ZNF165: variants seen among roughly 807,000 people sequenced by gnomAD.
The protein encoded by ZNF165 is cancer/testis antigen 53.
A neutral mutation model predicts 19.6 loss-of-function variants in ZNF165; 14 were observed. That is an observed-to-expected ratio of 0.71 (90% CI 0.47 to 1.12). The LOEUF is 1.12. Ranked by LOEUF, ZNF165 falls within the 50% of genes most tolerant of loss-of-function variation. The pLI is 0.00. For synonymous variants in ZNF165, 165 were observed against 195.0 expected (o/e 0.85, Z 1.28); for missense variants, 504 against 566.3 (o/e 0.89, Z 1.12).
chr6:28,088,510 A>G, intron 3 of ZNF165, 53 bp from the exon 4 acceptor site: 5 of 1,489,524 alleles, frequency 3.4e-6, no homozygotes, highest in Non-Finnish European at 4.5e-6. Context: ...ATGCTATAAA[A>G]TTTTCTTTTC....
chr6:28,085,420 G>A, intron 1 of ZNF165, 61 bp from the exon 2 acceptor site: 1 of 1,523,740 alleles, frequency 6.6e-7, no homozygotes, highest in Non-Finnish European at 8.9e-7. Context: ...CCCTCAGGAG[G>A]ACTCTTGAAA....
Position 28,083,371 on chromosome 6 carries a change from TCCA to T in ZNF165, c.1-2106_1-2104del, listed in dbSNP as rs566021748. ...CCCCTAGTTTCAGTAAACAACCTTT[TCCA>T]CCAGTTCCAATCAGTAGTTCACATC... On this transcript the variant is annotated intron_variant, in intron 1 of 3. Transcript: ENST00000683778. 2.0e-3 allele frequency among the ~76,000 whole-genome samples: 310 copies of T among 152,270 alleles called. 7 individuals are homozygous for T. Among genetic ancestry groups the T allele is most frequent in the Non-Finnish European group, 4.6e-4 (31 of 68,022 alleles).
chr6:28,082,775 A>C (rs1764186463), intron 1 of ZNF165, among the ~76,000 whole-genome samples: 1 of 152,226 alleles, frequency 6.6e-6, no homozygotes. Flanking sequence ...ACTTGTCAAA[A>C]TCTGTCTTCC....
rs751262378 is a variant in ZNF165, at chr6:28,085,829, G to C, written c.349G>C (p.Gly117Arg). 1 of 1,613,734 alleles carries C rather than the reference G, an allele frequency of 6.2e-7. No homozygotes were observed. The highest frequency in any genetic ancestry group is 1.7e-5 in the Admixed American group (1 of 60,014). Reference sequence around the variant, plus strand: ...GGTACATGAACATTACCCAGAGAGTGGAGAGGAGGCAGTGACCATACTAGA... The same window carrying C: ...GGTACATGAACATTACCCAGAGAGTCGAGAGGAGGCAGTGACCATACTAGA... ...AWVHEHYPES[G>R]EEAVTILEDL... is the part of the protein sequence containing the mutation. The change falls in exon 2 of 4, where the codon GGA becomes CGA. Residue 117 changes from glycine (G) to arginine (R), a missense_variant. Gly to Arg is a moderately radical substitution (Grantham distance 125, BLOSUM62 -2). Transcript: ENST00000683778.
At chr6:28,085,425 T>C (rs1764251654) in intron 1 of ZNF165, 56 bp from the exon 2 acceptor site, 1 of 1,556,242 alleles carries the variant, frequency 6.4e-7, no homozygotes, top group East Asian at 2.2e-5. Context: ...AGGAGGACTC[T>C]TGAAACTAAA....
At chr6:28,082,602 T>G (rs1192978714) in intron 1 of ZNF165, among the ~76,000 whole-genome samples, 1 of 152,274 alleles carries the variant, frequency 6.6e-6, no homozygotes, top group Non-Finnish European at 1.5e-5. Context: ...TATTGTTTTC[T>G]GCCCTGGGTG....
chr6:28,084,996 T>G (rs1408225179), intron 1 of ZNF165, among the ~76,000 whole-genome samples: 1 of 152,238 alleles, frequency 6.6e-6, no homozygotes, highest in African/African-American at 2.4e-5. Flanking sequence ...ATTTCCTATT[T>G]CTTTCCCTCC....
chr6:28,088,511 T>G lies in ZNF165; in HGVS notation c.551-52T>G. 3 of 1,494,590 alleles carry G rather than the reference T, an allele frequency of 2.0e-6. No individual in the cohort carries two copies. In the South Asian group the frequency reaches 4.1e-5, roughly 20 times the overall value. The allele number at this position is 1,494,590 out of a possible 1,614,324, so 92.6% of individuals were successfully genotyped here. On this transcript the variant is annotated intron_variant, in intron 3 of 3. Coordinates refer to ENST00000683778, the MANE Select transcript of ZNF165 (RefSeq NM_001376491.1). ...TAACTATCTTGAGCATGCTATAAAA[T>G]TTTCTTTTCGTGCAGCAAACAGGTA...
Position 28,088,709 on chromosome 6 carries a change from G to A in ZNF165, c.697G>A (p.Val233Ile). Residue 233 changes from valine to isoleucine, a missense_variant, in exon 4 of 4, where the codon GTA (valine) becomes ATA (isoleucine). Transcript: ENST00000683778. ...AGACATCTGTAAGTCTGCAGGCAGG[G>A]TAAAGAGACAATGGGAAAAAGAATC... ...SQDICKSAGR[V>I]KRQWEKESGE... 1 of 1,614,150 alleles carries A rather than the reference G, an allele frequency of 6.2e-7. No homozygotes were observed. The highest frequency in any genetic ancestry group is 8.5e-7 in the Non-Finnish European group (1 of 1,180,022).
chr6:28,085,149 CT>C (rs1252109372), intron 1 of ZNF165, among the ~76,000 whole-genome samples: 1 of 152,070 alleles, frequency 6.6e-6, no homozygotes, highest in Admixed American at 6.5e-5. Flanking sequence ...CTTATTTTCT[CT>C]GTGACTTTTA....
chr6:28,082,320 C>T (rs959486856), intron 1 of ZNF165, among the ~76,000 whole-genome samples: 1 of 151,476 alleles, frequency 6.6e-6, no homozygotes, highest in Non-Finnish European at 1.5e-5. Flanking sequence ...AAGACAAGCT[C>T]GGTCATGGAG....
upstream of ZNF165, among the ~76,000 whole-genome samples, chr6:28,080,376 TTTC>T (rs890949264): frequency 9.9e-5 from 15 of 152,002 alleles, no homozygotes; most frequent in South Asian, 2.1e-4. Context: ...TGTGTATCTT[TTTC>T]TTCTTCTTCT....
intron 2 of ZNF165, 106 bp downstream of exon 2, chr6:28,085,997 T>C: frequency 6.6e-7 from 1 of 1,504,966 alleles, no homozygotes; most frequent in Non-Finnish European, 8.9e-7. Flanking sequence ...GTTGGTTCAG[T>C]GTGCATTTAT....
At chr6:28,086,354 G>A in intron 3 of ZNF165, 44 bp downstream of exon 3, 1 of 1,571,602 alleles carries the variant, frequency 6.4e-7, no homozygotes, top group Non-Finnish European at 8.6e-7. Context: ...TAAAGAAACA[G>A]GGGAATGAAT....
chr6:28,089,124 G>T lies in ZNF165; in HGVS notation c.1112G>T (p.Cys371Phe), dbSNP rs369884055. 1.2e-6 allele frequency: 2 copies of T among 1,614,010 alleles called. No individual in the cohort carries two copies. The highest frequency in any genetic ancestry group is 1.7e-6 in the Non-Finnish European group (2 of 1,179,988). ...CAGAGAATCCACACTGGAGAGAGAT[G>T]CTATGAATGTAATGAATGTGGGAAA... is the stretch of plus-strand genomic sequence containing the variant. Reference protein sequence around the residue: ...RHQRIHTGERCYECNECGKSF... With the variant: ...RHQRIHTGERFYECNECGKSF... The change falls in exon 4 of 4, where the codon TGC (cysteine) becomes TTC (phenylalanine). Residue 371 changes from cysteine (C) to phenylalanine (F), a missense_variant. Transcript: ENST00000683778.
Position 28,085,819 on chromosome 6 carries a change from C to G in ZNF165, c.339C>G (p.Tyr113Ter). ...GDLQAWVHEH[Y>*]PESGEEAVTI... ...TGCAGGCCTGGGTACATGAACATTA[C>G]CCAGAGAGTGGAGAGGAGGCAGTGA... Residue 113 changes from tyrosine to a stop codon, truncating the protein, a stop_gained, in exon 2 of 4, where the codon TAC becomes TAG. Coordinates refer to ENST00000683778, the MANE Select transcript of ZNF165 (RefSeq NM_001376491.1). LOFTEE classifies it high-confidence loss of function. 1 of 1,613,742 alleles carries G rather than the reference C, an allele frequency of 6.2e-7. No individual in the cohort carries two copies.
At chr6:28,086,387 G>A (rs1561797474) in intron 3 of ZNF165, 77 bp downstream of exon 3, 2 of 1,537,730 alleles carry the variant, frequency 1.3e-6, no homozygotes, top group Non-Finnish European at 1.7e-6. Flanking sequence ...ACTAGTCTTG[G>A]TAACTGTAGA....
intron 1 of ZNF165, among the ~76,000 whole-genome samples, chr6:28,082,157 T>TCCCAG (rs1561795496): frequency 2.0e-5 from 3 of 152,208 alleles, no homozygotes; most frequent in African/African-American, 4.8e-5. Context: ...CCCCCCTTTT[T>TCCCAG]TTTCTTTATC....
intron 1 of ZNF165, among the ~76,000 whole-genome samples, chr6:28,082,787 A>G (rs1561795752): frequency 6.6e-6 from 1 of 152,226 alleles, no homozygotes; most frequent in Non-Finnish European, 1.5e-5. Context: ...CTGTCTTCCC[A>G]TTCCAAATTC....
Sources: allele counts gnomAD v4.1 joint callset (sites outside exome capture counted in the v4.1 genomes callset), GRCh38; gene constraint gnomAD v4.1.1; transcripts MANE v1.5; gene names NCBI Gene and HGNC (gene_info 2026-07-23, HGNC 2026-07-21).